TRIP12: variants seen among roughly 807,000 people sequenced by gnomAD.
TRIP12 encodes the protein thyroid hormone receptor interactor 12.
TRIP12 carries 25 observed loss-of-function variants against 244.2 expected under a neutral mutation model. The ratio of observed to expected loss-of-function variants is 0.10; its 90% CI spans 0.07 to 0.14. The LOEUF is 0.14. TRIP12 is among the 10% of genes least tolerant of loss of function. The probability of loss-of-function intolerance (pLI) is 1.00; values close to 1 mark genes in which losing one functional copy is unlikely to be tolerated. For missense variants in TRIP12, 1,677 were observed against 2,486.4 expected (o/e 0.67, Z 6.92); for synonymous variants, 905 against 873.1 (o/e 1.04, Z -0.64).
intron 1 of TRIP12, among the ~76,000 whole-genome samples, chr2:229,905,682 G>C (rs2072537809): frequency 6.6e-6 from 1 of 152,172 alleles, no homozygotes; most frequent in South Asian, 2.1e-4. Flanking sequence ...CCTTTACCCT[G>C]AACTTAAGGT....
chr2:229,888,624 C>T (rs971721558), intron 1 of TRIP12, among the ~76,000 whole-genome samples: 7 of 151,866 alleles, frequency 4.6e-5, no homozygotes, highest in Admixed American at 3.3e-4. Context: ...GGCAACATGG[C>T]AAAACCCCAT....
intron 8 of TRIP12, among the ~76,000 whole-genome samples, chr2:229,826,549 G>A (rs1340985298): frequency 1.3e-5 from 2 of 152,134 alleles, no homozygotes; most frequent in East Asian, 1.9e-4. Flanking sequence ...ATTAAAATTA[G>A]GTGTCACTTA....
chr2:229,906,020 C>G (rs565886075), intron 1 of TRIP12, among the ~76,000 whole-genome samples: 1 of 152,262 alleles, frequency 6.6e-6, no homozygotes, highest in African/African-American at 2.4e-5. Context: ...GAAACATGTT[C>G]ATGGCCAGGC....
chr2:229,881,446 AAG>A (rs1171075593), intron 1 of TRIP12, among the ~76,000 whole-genome samples: 6 of 152,216 alleles, frequency 3.9e-5, no homozygotes, highest in African/African-American at 1.4e-4. Flanking sequence ...ACTGGTGCCA[AAG>A]AGAATGCAAA....
intron 20 of TRIP12, 88 bp from the exon 21 acceptor site, chr2:229,802,547 C>T: frequency 1.0e-6 from 1 of 962,116 alleles, no homozygotes; most frequent in Non-Finnish European, 1.5e-6. Context: ...AATACCAACA[C>T]TGACATAATA....
intron 2 of TRIP12, among the ~76,000 whole-genome samples, chr2:229,864,183 C>T (rs941257309): frequency 4.6e-5 from 7 of 151,880 alleles, no homozygotes; most frequent in African/African-American, 4.8e-5. Context: ...TAAAAATAAC[C>T]GGGCTGATAT....
chr2:229,772,670 G>A (rs1207160782), intron 38 of TRIP12, among the ~76,000 whole-genome samples: 1 of 152,104 alleles, frequency 6.6e-6, no homozygotes, highest in African/African-American at 2.4e-5. Context: ...CACGATGTTT[G>A]TCAGGCTGGT....
At chr2:229,903,023 T>C (rs999752985) in intron 1 of TRIP12, among the ~76,000 whole-genome samples, 10 of 148,658 alleles carry the variant, frequency 6.7e-5, no homozygotes, top group Non-Finnish European at 7.4e-5. Context: ...TTTTTCTTTT[T>C]TTTTTTTTTT....
chr2:229,912,717 T>C (rs901066854), intron 1 of TRIP12, among the ~76,000 whole-genome samples: 1 of 152,232 alleles, frequency 6.6e-6, no homozygotes, highest in Non-Finnish European at 1.5e-5. Context: ...ATGTTAGATG[T>C]TGTGTGCTGT....
chr2:229,799,293 T>C lies in TRIP12; in HGVS notation c.3297A>G (p.Val1099=). The change falls in exon 22 of 42, where the codon GTA becomes GTG. Residue 1099 remains valine (V), a synonymous_variant. Coordinates refer to ENST00000675903, the MANE Select transcript of TRIP12 (RefSeq NM_001348323.3). ...CATCAAAGGGGTTACCTTGATTGTC[T>C]ACTTTGTCATCATCTCTTGGAGGTG... ...KYSPPRDDDK[V]DNQAKSPTTT... is the part of the protein sequence containing the mutation. 1 of 1,614,212 alleles carries C rather than the reference T, an allele frequency of 6.2e-7. No individual in the cohort carries two copies. The highest frequency in any genetic ancestry group is 8.5e-7 in the Non-Finnish European group (1 of 1,180,020).
At chr2:229,918,982 CTAGCT>C (rs1273819500) in intron 1 of TRIP12, among the ~76,000 whole-genome samples, 1 of 152,184 alleles carries the variant, frequency 6.6e-6, no homozygotes, top group African/African-American at 2.4e-5. Flanking sequence ...GGTTAAGTGA[CTAGCT>C]CAAGGTCACA....
intron 21 of TRIP12, among the ~76,000 whole-genome samples, chr2:229,800,894 T>C (rs2044128795): frequency 1.3e-5 from 2 of 151,692 alleles, no homozygotes; most frequent in African/African-American, 4.8e-5. Context: ...CAAGACCCCA[T>C]GCTGTGTCTC....
Position 229,804,116 on chromosome 2 carries a change from T to C in TRIP12, c.2762A>G (p.Tyr921Cys). The C allele has an allele frequency of 3.1e-6, 5 of 1,614,162 alleles. No individual in the cohort carries two copies. The highest frequency in any genetic ancestry group is 4.2e-6 in the Non-Finnish European group (5 of 1,179,996). Residue 921 changes from tyrosine to cysteine, a missense_variant, in exon 19 of 42, where the codon TAT becomes TGT. Physicochemically the swap from Tyr to Cys is radical, Grantham distance 194. Coordinates refer to ENST00000675903, the MANE Select transcript of TRIP12 (RefSeq NM_001348323.3). ...GACCGCAGGTCCTGCTGAGGAACTATACACTTCATAAAGAACACCAAATAA... is the reference window on the plus strand; with the variant it reads ...GACCGCAGGTCCTGCTGAGGAACTACACACTTCATAAAGAACACCAAATAA... ...KTLFGVLYEV[Y>C]SSSAGPAVRH...
At chr2:229,860,061 AAGAATC>A (rs2060208797) in intron 3 of TRIP12, among the ~76,000 whole-genome samples, 1 of 152,198 alleles carries the variant, frequency 6.6e-6, no homozygotes. Flanking sequence ...ATTAAATCTT[AAGAATC>A]ACTGACTTAA....
rs1472771131 is a variant in TRIP12 at position 229,829,182 on chromosome 2, T to C, written c.1450+11A>G. On this transcript the variant is annotated intron_variant, in intron 8 of 41. Coordinates refer to ENST00000675903, the MANE Select transcript of TRIP12 (RefSeq NM_001348323.3). Reference sequence around the variant, plus strand: ...ATTGAGGGATTTCAGGGAAGGAACATTTTTACTTACTAGCTCCACTTCCAA... The same window carrying C: ...ATTGAGGGATTTCAGGGAAGGAACACTTTTACTTACTAGCTCCACTTCCAA... 1.2e-6 allele frequency: 2 copies of C among 1,612,786 alleles called. No individual in the cohort carries two copies. The highest frequency in any genetic ancestry group is 1.7e-6 in the Non-Finnish European group (2 of 1,179,192).
intron 4 of TRIP12, among the ~76,000 whole-genome samples, chr2:229,841,639 A>G (rs1056460053): frequency 6.6e-6 from 1 of 152,212 alleles, no homozygotes; most frequent in Non-Finnish European, 1.5e-5. Flanking sequence ...CACAAATGAC[A>G]TACTAGGCAG....
intron 21 of TRIP12, among the ~76,000 whole-genome samples, chr2:229,801,164 A>G (rs1485255288): frequency 6.6e-6 from 1 of 152,220 alleles, no homozygotes; most frequent in Non-Finnish European, 1.5e-5. Flanking sequence ...CAACTGCAGA[A>G]TCAGGGATGT....
intron 1 of TRIP12, chr2:229,894,514 T>C (rs2068231868): frequency 6.6e-6 from 1 of 152,116 alleles, no homozygotes; most frequent in Admixed American, 6.5e-5. Flanking sequence ...ATGATGAAGA[T>C]GACCAGAAAT....
At chr2:229,767,871 T>C (rs1559264597) in intron 41 of TRIP12, 121 bp from the exon 42 acceptor site, 40 of 1,009,416 alleles carry the variant, frequency 4.0e-5, no homozygotes, top group East Asian at 1.1e-4. Context: ...TGCTTGGCAA[T>C]TGCACATTCA....
Sources: gnomAD v4.1 joint callset for allele counts (sites outside exome capture counted in the v4.1 genomes callset) on GRCh38, gnomAD v4.1.1 for gene constraint, MANE v1.5 for transcripts, NCBI Gene and HGNC (gene_info 2026-07-23, HGNC 2026-07-21) for gene names.